Variants in PLCH2 observed in about 807,000 individuals in gnomAD.
PLCH2 encodes phospholipase C eta 2, also known as 1-phosphatidylinositol 4,5-bisphosphate phosphodiesterase eta-2.
A neutral mutation model predicts 134.7 loss-of-function variants in PLCH2; 98 were observed. That is an observed-to-expected ratio of 0.73 (90% CI 0.62 to 0.86). The LOEUF (loss-of-function observed/expected upper bound fraction) is 0.86, where lower values mean the gene tolerates loss of function less well. Among genes scored for constraint, PLCH2 ranks in the 40% least tolerant of loss-of-function variants. PLCH2 has a pLI of 0.00. For synonymous variants in PLCH2, 974 were observed against 827.5 expected (o/e 1.18, Z -3.04); for missense variants, 1,994 against 1,986.6 (o/e 1.00, Z -0.07).
At chr1:2,421,349 G>C (rs980208025), upstream of PLCH2, among the ~76,000 whole-genome samples, 4 of 152,186 alleles carry the variant, frequency 2.6e-5, no homozygotes, top group African/African-American at 9.7e-5. Context: ...AGAACCTACG[G>C]TAGCATCTCC....
At chr1:2,443,876 G>T (rs1639810601) in intron 2 of PLCH2, among the ~76,000 whole-genome samples, 1 of 150,544 alleles carries the variant, frequency 6.6e-6, no homozygotes, top group Non-Finnish European at 1.5e-5. Flanking sequence ...CGCTGACTGC[G>T]CCTCCCGGCC....
intron 4 of PLCH2, among the ~76,000 whole-genome samples, chr1:2,481,079 C>T (rs756309224): frequency 7.2e-5 from 11 of 152,252 alleles, no homozygotes; most frequent in Non-Finnish European, 1.6e-4. Context: ...CACATATGCA[C>T]ACAGGCACAC....
upstream of PLCH2, among the ~76,000 whole-genome samples, chr1:2,425,335 C>G (rs1638740432): frequency 6.7e-6 from 1 of 148,970 alleles, no homozygotes; most frequent in South Asian, 2.1e-4. Context: ...ACACATACAC[C>G]CCCCCACACA....
In PLCH2 at chr1:2,496,932, C is replaced by G. The variant is rs754643877; in HGVS notation, c.2038C>G (p.Arg680Gly). 6.2e-7 allele frequency: 1 copy of G among 1,613,346 alleles called. No individual in the cohort carries two copies. The highest frequency in any genetic ancestry group is 8.5e-7 in the Non-Finnish European group (1 of 1,179,856). Residue 680 changes from arginine (R) to glycine (G), a missense_variant, in exon 15 of 22, where the codon CGC becomes GGC. Arg to Gly is a moderately radical substitution (Grantham distance 125). Coordinates refer to ENST00000378486, the MANE Select transcript of PLCH2 (RefSeq NM_014638.4). ...YLRFNQQQLS[R>G]IYPSSYRVDS... The stretch of plus-strand genomic sequence containing the variant: ...ACGCTTCAACCAGCAGCAGCTCTCC[C>G]GCATCTACCCCTCCTCCTACCGTGT...
chr1:2,437,975 C>A (rs1639512569), intron 2 of PLCH2, among the ~76,000 whole-genome samples: 1 of 152,234 alleles, frequency 6.6e-6, no homozygotes, highest in Non-Finnish European at 1.5e-5. Flanking sequence ...GCCTCTGCCA[C>A]CCCACCCCAA....
At chr1:2,425,217 CACACACACATATTT>C (rs1638728152), upstream of PLCH2, among the ~76,000 whole-genome samples, 1 of 150,366 alleles carries the variant, frequency 6.7e-6, no homozygotes, top group Admixed American at 6.6e-5. Context: ...GGCGCATGCA[CACACACACATATTT>C]ACACACACAT....
rs540817439 is a variant in PLCH2 at position 2,497,082 on chromosome 1, C to T, written c.2116+72C>T. The T allele has an allele frequency of 1.3e-5, 19 of 1,462,918 alleles. No individual in the cohort carries two copies. The South Asian group carries it at 1.5e-4, about 12-fold the overall frequency. The allele number at this position is 1,462,918 out of a possible 1,614,324, so 90.6% of individuals were successfully genotyped here. A position where few individuals can be genotyped will look rare whatever the true frequency, so the allele number is the denominator to read the frequency against. On this transcript the variant is annotated intron_variant, in intron 15 of 21. Coordinates refer to ENST00000378486, the MANE Select transcript of PLCH2 (RefSeq NM_014638.4). Reference sequence around the variant, plus strand: ...CAGACGGTCCCTGAAGCCCAAGGGGCGAGCAGGGGACCCGCTGGGGCCTCG... The same window carrying T: ...CAGACGGTCCCTGAAGCCCAAGGGGTGAGCAGGGGACCCGCTGGGGCCTCG...
intron 4 of PLCH2, among the ~76,000 whole-genome samples, chr1:2,483,260 G>A (rs1200574077): frequency 6.6e-6 from 1 of 152,194 alleles, no homozygotes; most frequent in East Asian, 1.9e-4. Flanking sequence ...AGCAGGCGCA[G>A]GGCGGAACCC....
chr1:2,468,357 C>T (rs768863784), intron 1 of PLCH2, among the ~76,000 whole-genome samples: 2 of 152,256 alleles, frequency 1.3e-5, no homozygotes, highest in African/African-American at 4.8e-5. Context: ...ACCTGGGAGC[C>T]GGACATTGCC....
rs186983986 is a variant in PLCH2, at chr1:2,484,629, C to T, written c.816+11C>T. The T allele has an allele frequency of 3.3e-4, 527 of 1,608,864 alleles. 4 individuals are homozygous for T. In the African/African-American group the frequency reaches 6.4e-3, roughly 19 times the overall value. ...CAGGTGGAGCAGAAGGTGTGCTGCC[C>T]GGGGCAGGTGTTGGGGGGCCAGCCA... On this transcript the variant is annotated intron_variant, in intron 5 of 21. Coordinates refer to ENST00000378486, the MANE Select transcript of PLCH2 (RefSeq NM_014638.4).
At chr1:2,432,563 G>A (rs576503455) in intron 2 of PLCH2, among the ~76,000 whole-genome samples, 4 of 152,318 alleles carry the variant, frequency 2.6e-5, no homozygotes, top group East Asian at 1.9e-4. Flanking sequence ...GCACGTGGCC[G>A]GGCCCATGGC....
chr1:2,426,801 G>A (rs1322129680), intron 1 of PLCH2, among the ~76,000 whole-genome samples: 6 of 152,248 alleles, frequency 3.9e-5, no homozygotes, highest in Admixed American at 1.3e-4. Flanking sequence ...TGTGCGGCCA[G>A]GCCAGCAGGT....
At chr1:2,433,528 C>T (rs973630545) in intron 2 of PLCH2, among the ~76,000 whole-genome samples, 2 of 152,180 alleles carry the variant, frequency 1.3e-5, no homozygotes, top group African/African-American at 2.4e-5. Context: ...GTCTCGGTGC[C>T]TTGAGGCTGG....
the PLCH2 span, among the ~76,000 whole-genome samples, chr1:2,420,753 C>G: frequency 1.3e-5 from 2 of 152,220 alleles, no homozygotes; most frequent in Non-Finnish European, 2.9e-5. Flanking sequence ...GCTCCTCTCT[C>G]GATTGGAGGG....
upstream of PLCH2, among the ~76,000 whole-genome samples, chr1:2,473,568 C>T (rs1336958960): frequency 1.3e-5 from 2 of 152,330 alleles, no homozygotes; most frequent in South Asian, 2.1e-4. Context: ...CCCGTCACCT[C>T]CTCAGAGCAG....
At position 2,444,673 on chromosome 1, in the gene PLCH2, C is replaced by A. The variant is rs1388440577; in HGVS notation, c.115+14044C>A. ...GAGATAAGAGGCTTCCCCTCCCCTC[C>A]GCTCCCCGCCTCCCACACTGTCTGG... On this transcript the variant is annotated intron_variant, in intron 2 of 3. Coordinates refer to the PLCH2 transcript ENST00000609981. The surrounding 1 kb of genome is among the most constrained non-coding windows in gnomAD (Gnocchi z 4.6). 1.3e-5 allele frequency among the ~76,000 whole-genome samples: 2 copies of A among 152,138 alleles called. No individual in the cohort carries two copies. The highest frequency in any genetic ancestry group is 4.8e-5 in the African/African-American group (2 of 41,424).
chr1:2,445,269 T>A (rs565534370), intron 2 of PLCH2, among the ~76,000 whole-genome samples: 1 of 152,062 alleles, frequency 6.6e-6, no homozygotes, highest in African/African-American at 2.4e-5. Context: ...GAACGCCTGA[T>A]GGCCCTGCCC....
At chr1:2,499,559 C>T (rs1175087993) in intron 19 of PLCH2, 82 bp from the exon 20 acceptor site, 2 of 1,099,832 alleles carry the variant, frequency 1.8e-6, no homozygotes, top group Middle Eastern at 2.0e-4. Context: ...GTCTTGGGAC[C>T]TTTAAGTAGA....
At chr1:2,441,172 AG>A (rs935653224) in intron 2 of PLCH2, among the ~76,000 whole-genome samples, 2 of 152,120 alleles carry the variant, frequency 1.3e-5, no homozygotes, top group African/African-American at 4.8e-5. Flanking sequence ...ATCTGAGGAA[AG>A]CCCCTAGAGG....
Sources: allele counts gnomAD v4.1 joint callset (sites outside exome capture counted in the v4.1 genomes callset), GRCh38; gene constraint gnomAD v4.1.1; non-coding constraint Gnocchi (gnomAD v3.1); transcripts MANE v1.5; gene names NCBI Gene and HGNC (gene_info 2026-07-23, HGNC 2026-07-21).